MAPK8IP3: variants seen among roughly 807,000 people sequenced by gnomAD.
The protein encoded by MAPK8IP3 is mitogen-activated protein kinase 8 interacting protein 3, also known as C-Jun-amino-terminal kinase-interacting protein 3.
A neutral mutation model predicts 157.8 loss-of-function variants in MAPK8IP3; 49 were observed. The observed-to-expected ratio is 0.31, with a 90% CI of 0.25 to 0.39. MAPK8IP3 has a LOEUF of 0.39. Ranked by LOEUF, MAPK8IP3 falls within the 10% of genes least tolerant of loss-of-function variation. The pLI is 1.00. For synonymous variants in MAPK8IP3, 897 were observed against 777.7 expected (o/e 1.15, Z -2.55); for missense variants, 1,478 against 1,889.4 (o/e 0.78, Z 4.04).
Position 1,729,535 on chromosome 16 carries a change from G to A in MAPK8IP3, c.559G>A (p.Val187Ile), listed in dbSNP as rs771129290. 3.1e-6 allele frequency: 5 copies of A among 1,612,122 alleles called. No individual in the cohort carries two copies. The East Asian group carries it at 8.9e-5, about 29-fold the overall frequency. Residue 187 changes from valine to isoleucine, a missense_variant, in exon 4 of 32, where the codon GTC becomes ATC. This residue lies in a region of MAPK8IP3 where 315 missense variants were observed against 394.4 expected (regional missense o/e 0.80). Coordinates refer to ENST00000610761, the MANE Select transcript of MAPK8IP3 (RefSeq NM_001318852.2). Reference protein sequence around the residue: ...EHIERSKMQQVGGNSQTESSL... With the variant: ...EHIERSKMQQIGGNSQTESSL... ...CATTGAGAGGTCCAAGATGCAGCAG[G>A]TCGGAGGAAACAGCCAGACCGAGAG... is the stretch of plus-strand genomic sequence containing the variant.
In MAPK8IP3 at chr16:1,761,303, T is replaced by C. The variant is rs755848814; in HGVS notation, c.1537T>C (p.Ser513Pro). Reference sequence around the variant, plus strand: ...TGTAAGCAGCTATCTCTGTACAGAATCGGTACATCCACTCTTCACTCTTCA... The same window carrying C: ...TGTAAGCAGCTATCTCTGTACAGAACCGGTACATCCACTCTTCACTCTTCA... ...EDVSSYLCTE[S>P]DKIPMAQRRR... is the part of the protein sequence containing the mutation. The change falls in exon 13 of 32, where the codon TCG becomes CCG. Residue 513 changes from serine (S) to proline (P), a missense_variant and splice_region_variant. Physicochemically the swap from Ser to Pro is moderately conservative, Grantham distance 74 (BLOSUM62 -1). This residue lies in a region of MAPK8IP3 where 96 missense variants were observed against 106.3 expected (regional missense o/e 0.90). Coordinates refer to ENST00000610761, the MANE Select transcript of MAPK8IP3 (RefSeq NM_001318852.2). The C allele has an allele frequency of 1.9e-6, 3 of 1,613,034 alleles. No individual in the cohort carries two copies. Among genetic ancestry groups the C allele is most frequent in the African/African-American group, 1.3e-5 (1 of 74,922 alleles).
chr16:1,764,679 C>T (rs2042153387), intron 19 of MAPK8IP3, among the ~76,000 whole-genome samples: 1 of 152,196 alleles, frequency 6.6e-6, no homozygotes, highest in African/African-American at 2.4e-5. Flanking sequence ...CTGGAGTGGG[C>T]CTGCACTGGG....
intron 4 of MAPK8IP3, among the ~76,000 whole-genome samples, chr16:1,739,235 A>T (rs1173871161): frequency 0.059 from 1,865 of 31,618 alleles, no homozygotes; most frequent in East Asian, 0.08. Flanking sequence ...ACCGTCCGTG[A>T]GAGTGTGACC....
chr16:1,760,965 C>T (rs2041899506), intron 12 of MAPK8IP3, among the ~76,000 whole-genome samples: 2 of 152,226 alleles, frequency 1.3e-5, no homozygotes, highest in Admixed American at 6.5e-5. Flanking sequence ...TGCTCCCCCT[C>T]CGCATTCCCG....
intron 1 of MAPK8IP3, among the ~76,000 whole-genome samples, chr16:1,719,848 A>AG (rs1012913868): frequency 2.0e-5 from 3 of 152,110 alleles, no homozygotes; most frequent in Non-Finnish European, 1.5e-5. Flanking sequence ...AAAGAAAAAA[A>AG]GCCTCAAAAA....
At position 1,757,394 on chromosome 16, in the gene MAPK8IP3, A is replaced by G. The variant is rs116930749; in HGVS notation, c.1217-754A>G. Reference sequence around the variant, plus strand: ...GCTGGGATTACAGGCGTGAGCCACCACGCCCTGCTCAAGTGACTTTTTAAT... The same window carrying G: ...GCTGGGATTACAGGCGTGAGCCACCGCGCCCTGCTCAAGTGACTTTTTAAT... On this transcript the variant is annotated intron_variant, in intron 8 of 31. Coordinates refer to ENST00000610761, the MANE Select transcript of MAPK8IP3 (RefSeq NM_001318852.2). Among the ~76,000 whole-genome samples, 421 of 152,260 alleles carry G rather than the reference A, an allele frequency of 2.8e-3. 3 individuals carry two copies. The highest frequency in any genetic ancestry group is 4.7e-3 in the Non-Finnish European group (323 of 68,012).
rs1476281553 is a variant in MAPK8IP3, at chr16:1,769,061, G to A, written c.*237G>A. On this transcript the variant is annotated 3_prime_UTR_variant, in exon 32 of 32. Coordinates refer to ENST00000610761, the MANE Select transcript of MAPK8IP3 (RefSeq NM_001318852.2). The stretch of plus-strand genomic sequence containing the variant: ...AAGATGCTCTCGGGACAGTTTCCCG[G>A]GCAGCTCCTGGCCAGCTTCCAGCCC... The A allele has an allele frequency of 5.3e-6, 3 of 561,782 alleles. No homozygotes were observed. The highest frequency in any genetic ancestry group is 6.3e-6 in the Non-Finnish European group (2 of 314,982). 34.8% of individuals were successfully genotyped at this position (561,782 alleles called of 1,614,324 possible). A position where few individuals can be genotyped will look rare whatever the true frequency, so the allele number is the denominator to read the frequency against.
chr16:1,758,105 C>T, intron 8 of MAPK8IP3, 43 bp from the exon 9 acceptor site: 7 of 1,610,956 alleles, frequency 4.3e-6, no homozygotes, highest in African/African-American at 1.3e-5. Flanking sequence ...TGACCTTTGT[C>T]CCTTCCTTCC....
chr16:1,757,402 C>G lies in MAPK8IP3; in HGVS notation c.1217-746C>G, dbSNP rs1199813440. Among the ~76,000 whole-genome samples, 7 of 152,210 alleles carry G rather than the reference C, an allele frequency of 4.6e-5. No homozygotes were observed. The South Asian group carries it at 6.2e-4, about 14-fold the overall frequency. The stretch of plus-strand genomic sequence containing the variant: ...TACAGGCGTGAGCCACCACGCCCTG[C>G]TCAAGTGACTTTTTAATGCCATTTT... On this transcript the variant is annotated intron_variant, in intron 8 of 31. Coordinates refer to ENST00000610761, the MANE Select transcript of MAPK8IP3 (RefSeq NM_001318852.2).
intron 23 of MAPK8IP3, 32 bp downstream of exon 23, chr16:1,766,680 G>T (rs768346247): frequency 1.2e-6 from 2 of 1,612,420 alleles, no homozygotes; most frequent in Non-Finnish European, 1.7e-6. Flanking sequence ...GTGGAGGGAG[G>T]GTCCTGGGTG....
At chr16:1,739,528 T>C (rs1427937903) in intron 4 of MAPK8IP3, among the ~76,000 whole-genome samples, 7 of 76,820 alleles carry the variant, frequency 9.1e-5, no homozygotes, top group African/African-American at 3.2e-4. Context: ...CCGTGTGAGC[T>C]TCCGTGTGAC....
In MAPK8IP3 at chr16:1,743,383, G is replaced by C. The variant is rs1003264680; in HGVS notation, c.654G>C (p.Thr218=). ...ACGTGTTCCCCCTGGCTGACGGCACGGTACGTGCACAGATCGGGGGCAAGC... is the reference window on the plus strand; with the variant it reads ...ACGTGTTCCCCCTGGCTGACGGCACCGTACGTGCACAGATCGGGGGCAAGC... ...SLNVFPLADG[T]VRAQIGGKLV... Residue 218 remains threonine, a synonymous_variant, in exon 5 of 32, where the codon ACG becomes ACC. Coordinates refer to ENST00000610761, the MANE Select transcript of MAPK8IP3 (RefSeq NM_001318852.2). The surrounding 1 kb of genome is among the most constrained non-coding windows in gnomAD (Gnocchi z 5.6). 1 of 1,576,650 alleles carries C rather than the reference G, an allele frequency of 6.3e-7. No individual in the cohort carries two copies. The highest frequency in any genetic ancestry group is 2.5e-5 in the East Asian group (1 of 40,554).
chr16:1,729,755 A>T (rs1030341461), intron 4 of MAPK8IP3, among the ~76,000 whole-genome samples, 177 bp downstream of exon 4: 1 of 151,902 alleles, frequency 6.6e-6, no homozygotes, highest in Non-Finnish European at 1.5e-5. Flanking sequence ...CTGAGCAGGG[A>T]TGTGGGGGGG....
intron 8 of MAPK8IP3, among the ~76,000 whole-genome samples, chr16:1,750,295 C>A (rs1055704372): frequency 9.2e-5 from 14 of 152,118 alleles, no homozygotes; most frequent in Admixed American, 7.9e-4. Flanking sequence ...TCACTGCAAC[C>A]TCCGCCTCCC....
intron 4 of MAPK8IP3, among the ~76,000 whole-genome samples, chr16:1,735,680 C>T (rs1393058859): frequency 4.3e-5 from 6 of 139,218 alleles, no homozygotes; most frequent in Admixed American, 7.3e-5. Context: ...TGTGACCGTC[C>T]GTGTGAGCGT....
chr16:1,734,947 AGTGT>A (rs537533973), intron 4 of MAPK8IP3: 51 of 154,594 alleles, frequency 3.3e-4, no homozygotes, highest in African/African-American at 1.1e-3. Flanking sequence ...ACTGCTGCAG[AGTGT>A]GTGTGTGTCT....
At position 1,743,764 on chromosome 16, in the gene MAPK8IP3, C is replaced by T. The variant is rs754490957; in HGVS notation, c.747+288C>T. 1.3e-4 allele frequency: 166 copies of T among 1,310,526 alleles called. No individual in the cohort carries two copies. The highest frequency in any genetic ancestry group is 1.5e-4 in the Non-Finnish European group (155 of 1,033,878). 81.2% of individuals were successfully genotyped at this position (1,310,526 alleles called of 1,614,324 possible). A position where few individuals can be genotyped will look rare whatever the true frequency, so the allele number is the denominator to read the frequency against. On this transcript the variant is annotated intron_variant, in intron 5 of 31. Transcript: ENST00000610761. This position sits in a 1 kb window ranked among gnomAD's most constrained non-coding sequence, Gnocchi z 5.6. ...AGACCGCTCTGTAGCCAGGGGTGTA[C>T]AGTGCCTGTCAGGGTTGAGCTTAGT...
rs886562348 is a variant in MAPK8IP3 at position 1,746,905 on chromosome 16, C to T, written c.748-124C>T. 8.6e-5 allele frequency: 106 copies of T among 1,228,318 alleles called. 1 individual carries two copies. The highest frequency in any genetic ancestry group is 5.6e-4 in the Middle Eastern group (2 of 3,554). The allele number at this position is 1,228,318 out of a possible 1,614,324, so 76.1% of individuals were successfully genotyped here. ...GGTGGGCGGCAGAGGAGCTCTGGCC[C>T]GCAGGGTGTCGGGCGAGGCAAAGTG... On this transcript the variant is annotated intron_variant, in intron 5 of 31. Coordinates refer to ENST00000610761, the MANE Select transcript of MAPK8IP3 (RefSeq NM_001318852.2).
chr16:1,737,757 T>TGA (rs1355441530), intron 4 of MAPK8IP3, among the ~76,000 whole-genome samples: 1 of 34,674 alleles, frequency 2.9e-5, no homozygotes, highest in African/African-American at 2.3e-4. Flanking sequence ...ACCATCCGTG[T>TGA]GTGTGACCAT....
Sources: gnomAD v4.1 joint callset for allele counts (sites outside exome capture counted in the v4.1 genomes callset) on GRCh38, gnomAD v4.1.1 for gene constraint, gnomAD v4.1.1 regional missense constraint, Gnocchi (gnomAD v3.1) non-coding constraint, MANE v1.5 for transcripts, NCBI Gene and HGNC (gene_info 2026-07-23, HGNC 2026-07-21) for gene names.